Variants in LAMA3 observed in about 807,000 individuals in gnomAD.
The protein encoded by LAMA3 is laminin subunit alpha-3.
In LAMA3, 281 loss-of-function variants were observed where a neutral mutation model predicts 402.0. That is an observed-to-expected ratio of 0.70 (90% CI 0.63 to 0.77). The LOEUF (loss-of-function observed/expected upper bound fraction) is 0.77. Ranked by LOEUF, LAMA3 falls within the 30% of genes least tolerant of loss-of-function variation. The pLI, the probability that LAMA3 is intolerant of heterozygous loss-of-function variation, is 0.00. For synonymous variants in LAMA3, 1,431 were observed against 1,558.4 expected (o/e 0.92, Z 1.93); for missense variants, 3,840 against 4,215.5 (o/e 0.91, Z 2.47).
chr18:23,705,690 G>A (rs2060876264), intron 1 of LAMA3, among the ~76,000 whole-genome samples: 1 of 152,038 alleles, frequency 6.6e-6, no homozygotes, highest in Non-Finnish European at 1.5e-5. Flanking sequence ...GCTAATTTTT[G>A]TATTTTTTGT....
chr18:23,872,971 A>G lies in LAMA3; in HGVS notation c.4998+1310A>G. 3.1e-6 allele frequency: 5 copies of G among 1,591,764 alleles called. No homozygotes were observed. The South Asian group carries it at 5.5e-5, about 18-fold the overall frequency. On this transcript the variant is annotated intron_variant, in intron 38 of 74. Transcript: ENST00000313654. ...TCACCTGAGTCAGGCAGGCCCGGGCACTGAGCAGGAAGGGCAGGTATAAGA... is the reference window on the plus strand; with the variant it reads ...TCACCTGAGTCAGGCAGGCCCGGGCGCTGAGCAGGAAGGGCAGGTATAAGA...
chr18:23,928,300 C>A, intron 63 of LAMA3, 60 bp downstream of exon 63: 1 of 1,066,056 alleles, frequency 9.4e-7, no homozygotes, highest in Non-Finnish European at 1.5e-6. Context: ...CCTTCCGTAT[C>A]CATTAACGCA....
chr18:23,819,253 G>A (rs1455744685), intron 18 of LAMA3, among the ~76,000 whole-genome samples: 1 of 150,192 alleles, frequency 6.7e-6, no homozygotes, highest in Non-Finnish European at 1.5e-5. Flanking sequence ...ACTTCTCTGT[G>A]CCTACCACAG....
Position 23,839,613 on chromosome 18 carries a change from C to T in LAMA3, c.3192-172C>T, listed in dbSNP as rs998638944. ...CAATGGAACAGGTGGCTGGAATACA[C>T]TTGGCATGAGTATCATTATATAAAG... On this transcript the variant is annotated intron_variant, in intron 26 of 74. Transcript: ENST00000313654. The surrounding 1 kb of genome is among the most constrained non-coding windows in gnomAD (Gnocchi z 4.5). 2.0e-5 allele frequency among the ~76,000 whole-genome samples: 3 copies of T among 152,200 alleles called. No homozygotes were observed. Among genetic ancestry groups the T allele is most frequent in the African/African-American group, 7.2e-5 (3 of 41,446 alleles).
intron 67 of LAMA3, among the ~76,000 whole-genome samples, chr18:23,935,351 T>A (rs1477243670): frequency 6.6e-6 from 1 of 152,164 alleles, no homozygotes; most frequent in South Asian, 2.1e-4. Flanking sequence ...GTGCAGAAAT[T>A]TGGTGGGAGA....
chr18:23,729,659 A>G (rs1289959636), intron 2 of LAMA3, among the ~76,000 whole-genome samples: 2 of 152,262 alleles, frequency 1.3e-5, no homozygotes, highest in African/African-American at 2.4e-5. Flanking sequence ...TACTGTTAAC[A>G]TAATTCACAT....
At position 23,909,175 on chromosome 18, in the gene LAMA3, A is replaced by C. The variant is rs1247461697; in HGVS notation, c.7038A>C (p.Leu2346=). The part of the protein sequence containing the change: ...DNSVNKLTNK[L]PDLWRKIESI... Reference sequence around the variant, plus strand: ...CAGTGAATAAGTTAACCAACAAACTACCTGATCTTTGGCGCAAGATTGAAA... The same window carrying C: ...CAGTGAATAAGTTAACCAACAAACTCCCTGATCTTTGGCGCAAGATTGAAA... Residue 2346 remains leucine, a synonymous_variant, in exon 55 of 75, where the codon CTA becomes CTC. Coordinates refer to ENST00000313654, the MANE Select transcript of LAMA3 (RefSeq NM_198129.4). 3 of 1,613,942 alleles carry C rather than the reference A, an allele frequency of 1.9e-6. No individual in the cohort carries two copies. The highest frequency in any genetic ancestry group is 1.3e-5 in the African/African-American group (1 of 74,922).
At chr18:23,757,065 C>T (rs190621701) in intron 6 of LAMA3, among the ~76,000 whole-genome samples, 249 of 151,870 alleles carry the variant, frequency 1.6e-3, no homozygotes, top group African/African-American at 5.7e-3. Context: ...GGCGTCTGTG[C>T]CCTCCTCCAA....
chr18:23,946,090 A>G (rs987025754), intron 69 of LAMA3, 54 bp from the exon 70 acceptor site: 9 of 1,550,312 alleles, frequency 5.8e-6, no homozygotes, highest in Non-Finnish European at 8.0e-6. Flanking sequence ...AATAAAATAC[A>G]ACACCAATTG....
intron 23 of LAMA3, among the ~76,000 whole-genome samples, chr18:23,828,210 T>C (rs1598873496): frequency 6.6e-6 from 1 of 152,190 alleles, no homozygotes; most frequent in East Asian, 1.9e-4. Flanking sequence ...GGGATTAAAT[T>C]TGTGGGATGA....
intron 6 of LAMA3, among the ~76,000 whole-genome samples, chr18:23,756,916 G>A (rs1350009101): frequency 1.1e-5 from 1 of 92,066 alleles, no homozygotes; most frequent in Admixed American, 1.2e-4. Context: ...CCCGCTCCCC[G>A]TTCCCTGCCC....
chr18:23,824,418 G>A lies in LAMA3; in HGVS notation c.2429-5G>A, dbSNP rs1237778680. ...GCCTTAAGCAGTTCTTTGTATTTCT[G>A]ATAGGTGCTGCTCAAAGCAAAGAGA... is the stretch of plus-strand genomic sequence containing the variant. On this transcript the variant is annotated splice_region_variant and splice_polypyrimidine_tract_variant and intron_variant, in intron 20 of 74. Coordinates refer to ENST00000313654, the MANE Select transcript of LAMA3 (RefSeq NM_198129.4). 3.1e-6 allele frequency: 5 copies of A among 1,614,026 alleles called. No homozygotes were observed. Among genetic ancestry groups the A allele is most frequent in the East Asian group, 2.2e-5 (1 of 44,880 alleles).
intron 12 of LAMA3, among the ~76,000 whole-genome samples, chr18:23,804,650 G>A (rs2062928177): frequency 6.6e-6 from 1 of 152,176 alleles, no homozygotes; most frequent in African/African-American, 2.4e-5. Context: ...CAGTGATATA[G>A]TTTGGATGTT....
chr18:23,767,578 C>CTTTTTT (rs71163640), intron 8 of LAMA3, among the ~76,000 whole-genome samples: 22 of 125,720 alleles, frequency 1.7e-4, no homozygotes, highest in African/African-American at 3.6e-4. Flanking sequence ...TCTTTCTTTT[C>CTTTTTT]TTTTTTTTTT....
At chr18:23,706,807 G>A (rs948427903) in intron 1 of LAMA3, among the ~76,000 whole-genome samples, 4 of 152,260 alleles carry the variant, frequency 2.6e-5, no homozygotes, top group Non-Finnish European at 5.9e-5. Context: ...GGCCAGGTGC[G>A]GTGGCTCACA....
intron 2 of LAMA3, among the ~76,000 whole-genome samples, chr18:23,738,390 C>A (rs934309718): frequency 6.6e-6 from 1 of 151,950 alleles, no homozygotes; most frequent in African/African-American, 2.4e-5. Flanking sequence ...GAAGAAGGAG[C>A]GGATGTGCAG....
At chr18:23,882,405 G>A (rs1459549377) in intron 40 of LAMA3, among the ~76,000 whole-genome samples, 4 of 152,136 alleles carry the variant, frequency 2.6e-5, no homozygotes, top group South Asian at 2.1e-4. Context: ...CGAGGAGGGC[G>A]GATCACTTGA....
At chr18:23,770,630 G>A (rs1195432331) in intron 8 of LAMA3, among the ~76,000 whole-genome samples, 4 of 151,900 alleles carry the variant, frequency 2.6e-5, no homozygotes, top group South Asian at 2.1e-4. Context: ...GCATGGTGGC[G>A]GGCGCCTGTA....
intron 2 of LAMA3, among the ~76,000 whole-genome samples, chr18:23,734,342 G>A (rs1046970629): frequency 2.0e-5 from 3 of 152,270 alleles, no homozygotes; most frequent in Admixed American, 6.5e-5. Flanking sequence ...TCTGCCTCAG[G>A]GATCTTCCGG....
Sources: allele counts gnomAD v4.1 joint callset (sites outside exome capture counted in the v4.1 genomes callset), GRCh38; gene constraint gnomAD v4.1.1; non-coding constraint Gnocchi (gnomAD v3.1); transcripts MANE v1.5; gene names NCBI Gene and HGNC (gene_info 2026-07-23, HGNC 2026-07-21).